WDR48: variants seen among roughly 807,000 people sequenced by gnomAD.
WDR48 encodes WD repeat domain 48.
Under a neutral mutation model 94.0 loss-of-function variants are expected in WDR48, and 22 were observed. That is an observed-to-expected ratio of 0.23 (90% CI 0.17 to 0.33). WDR48 has a LOEUF of 0.33. Ranked by LOEUF, WDR48 falls within the 10% of genes least tolerant of loss-of-function variation. The pLI, the probability that WDR48 is intolerant of heterozygous loss-of-function variation, is 1.00. For missense variants in WDR48, 541 were observed against 813.8 expected (o/e 0.66, Z 4.08); for synonymous variants, 278 against 280.5 (o/e 0.99, Z 0.09).
chr3:39,079,432 A>T (rs1483131015), intron 10 of WDR48, among the ~76,000 whole-genome samples: 1 of 152,232 alleles, frequency 6.6e-6, no homozygotes, highest in Non-Finnish European at 1.5e-5. Context: ...GTCCCTCAAC[A>T]ATTTTCCACT....
intron 1 of WDR48, 191 bp downstream of exon 1, chr3:39,052,264 G>A: frequency 1.6e-6 from 1 of 629,624 alleles, no homozygotes. Context: ...GGCTTGCTTG[G>A]CCCTTGGGGC....
At chr3:39,094,437 C>T (rs945856558) in intron 18 of WDR48, 16 of 1,528,856 alleles carry the variant, frequency 1.0e-5, no homozygotes, top group African/African-American at 1.4e-5. Context: ...TGAAAGATGG[C>T]CTGGTGTTTC....
intron 11 of WDR48, among the ~76,000 whole-genome samples, chr3:39,081,787 C>G (rs1221915420): frequency 1.3e-5 from 2 of 152,226 alleles, no homozygotes; most frequent in Admixed American, 6.5e-5. Context: ...CACTCTTGGT[C>G]TGGTTAACTG....
Position 39,063,107 on chromosome 3 carries a change from C to T in WDR48, c.106C>T (p.Leu36=), listed in dbSNP as rs150938026. The part of the protein sequence containing the change: ...EKYNRNGVNA[L]QLDPALNRLF... The stretch of plus-strand genomic sequence containing the variant: ...GTACAACCGAAATGGAGTCAATGCT[C>T]TGCAGCTGGATCCAGCACTAAATAG... The change falls in exon 2 of 19, where the codon CTG becomes TTG. Residue 36 remains leucine (L), a synonymous_variant. Coordinates refer to ENST00000302313, the MANE Select transcript of WDR48 (RefSeq NM_020839.4). 1.4e-5 allele frequency: 23 copies of T among 1,614,014 alleles called. No homozygotes were observed. In the East Asian group the frequency reaches 4.0e-4, roughly 28 times the overall value.
intron 10 of WDR48, 87 bp from the exon 11 acceptor site, chr3:39,079,624 G>A: frequency 3.2e-6 from 3 of 925,246 alleles, no homozygotes; most frequent in South Asian, 3.4e-5. Flanking sequence ...TTATGTTCCT[G>A]TTAGATACCA....
intron 16 of WDR48, chr3:39,090,619 G>C (rs960956149): frequency 1.3e-5 from 2 of 152,072 alleles, no homozygotes; most frequent in Non-Finnish European, 2.9e-5. Flanking sequence ...TTTTTCCAAA[G>C]GGACAGCTAG....
intron 1 of WDR48, among the ~76,000 whole-genome samples, chr3:39,055,256 G>A (rs550257435): frequency 2.7e-4 from 41 of 152,266 alleles, no homozygotes; most frequent in African/African-American, 9.4e-4. Flanking sequence ...GGAGGCCAAG[G>A]TGGGCAGATC....
intron 1 of WDR48, among the ~76,000 whole-genome samples, chr3:39,062,539 A>G (rs927003996): frequency 2.6e-5 from 4 of 152,204 alleles, no homozygotes; most frequent in African/African-American, 9.6e-5. Context: ...GAAGGCTGCA[A>G]CAAGAGTTAG....
rs868846441 is a variant in WDR48, at chr3:39,077,170, C to T, written c.929C>T (p.Pro310Leu). The stretch of plus-strand genomic sequence containing the variant: ...CTTGATAGATCAGCTGATCCTCCTC[C>T]TGCAATTTGGGTTGCAACAACTAAG... Reference protein sequence around the residue: ...MELDRSADPPPAIWVATTKST... With the variant: ...MELDRSADPPLAIWVATTKST... The change falls in exon 9 of 19, where the codon CCT (proline) becomes CTT (leucine). Residue 310 changes from proline to leucine, a missense_variant. Pro to Leu is a moderately conservative substitution (Grantham distance 98). Transcript: ENST00000302313. 6.2e-7 allele frequency: 1 copy of T among 1,614,174 alleles called. No homozygotes were observed. Among genetic ancestry groups the T allele is most frequent in the Non-Finnish European group, 8.5e-7 (1 of 1,180,016 alleles).
chr3:39,074,639 A>G, intron 7 of WDR48, 87 bp from the exon 8 acceptor site: 2 of 1,263,728 alleles, frequency 1.6e-6, no homozygotes, highest in Middle Eastern at 5.2e-4. Flanking sequence ...TGTGTTTGAC[A>G]GTGTGGACTC....
intron 10 of WDR48, 31 bp downstream of exon 10, chr3:39,078,270 T>A (rs966145107): frequency 6.8e-7 from 1 of 1,480,518 alleles, no homozygotes; most frequent in Non-Finnish European, 9.3e-7. Flanking sequence ...GTACCCCTTA[T>A]TGAAGTTAGC....
intron 15 of WDR48, 60 bp downstream of exon 15, chr3:39,088,293 T>A: frequency 6.6e-6 from 10 of 1,512,658 alleles, no homozygotes; most frequent in Non-Finnish European, 9.2e-6. Flanking sequence ...CTAAGAAGTG[T>A]CGACTCAAAC....
At chr3:39,070,849 C>G (rs1285139812) in intron 7 of WDR48, among the ~76,000 whole-genome samples, 1 of 152,108 alleles carries the variant, frequency 6.6e-6, no homozygotes, top group African/African-American at 2.4e-5. Flanking sequence ...ACCCCCACAA[C>G]AGTCCCCAGA....
intron 8 of WDR48, among the ~76,000 whole-genome samples, chr3:39,075,708 T>G (rs1213419071): frequency 1.3e-5 from 2 of 152,098 alleles, no homozygotes; most frequent in Non-Finnish European, 2.9e-5. Flanking sequence ...TTTTTTTTTT[T>G]TTTGAGACGG....
rs550119064 is a variant in WDR48 at position 39,088,032 on chromosome 3, A to T, written c.1475-96A>T. 164 of 1,149,732 alleles carry T rather than the reference A, an allele frequency of 1.4e-4. No individual in the cohort carries two copies. The African/African-American group carries it at 2.4e-3, about 16-fold the overall frequency. The allele number at this position is 1,149,732 out of a possible 1,614,324, so 71.2% of individuals were successfully genotyped here. ...GTGGACTTAGAGGACATTTGAATTT[A>T]ATCTTGCAATGTTTGAAGCTTGTGG... On this transcript the variant is annotated intron_variant, in intron 14 of 18. Transcript: ENST00000302313.
At chr3:39,077,837 ATGT>A (rs2034307206) in intron 9 of WDR48, among the ~76,000 whole-genome samples, 1 of 152,238 alleles carries the variant, frequency 6.6e-6, no homozygotes, top group African/African-American at 2.4e-5. Context: ...TATTTTTTAA[ATGT>A]TGTATATCTT....
At position 39,096,240 on chromosome 3, in the gene WDR48, C is replaced by T. The variant is rs1469610829; in HGVS notation, c.*1497C>T. ...TGCACTTTGAAGAAGTGAGCAAAGA[C>T]GTGGCCACATTTCTAATAAGTTGAA... On this transcript the variant is annotated 3_prime_UTR_variant, in exon 19 of 19. Transcript: ENST00000302313. 6.6e-6 allele frequency: 1 copy of T among 152,274 alleles called. No individual in the cohort carries two copies. Among genetic ancestry groups the T allele is most frequent in the African/African-American group, 2.4e-5 (1 of 41,430 alleles). 9.4% of individuals were successfully genotyped at this position (152,274 alleles called of 1,614,324 possible).
At chr3:39,085,474 C>T (rs762636802) in intron 13 of WDR48, 41 bp from the exon 14 acceptor site, 12 of 1,501,270 alleles carry the variant, frequency 8.0e-6, no homozygotes, top group Admixed American at 1.8e-5. Flanking sequence ...CCAAGTAACT[C>T]GCTTTTCCAT....
intron 7 of WDR48, among the ~76,000 whole-genome samples, chr3:39,070,980 A>G (rs557877601): frequency 6.6e-5 from 10 of 152,136 alleles, no homozygotes; most frequent in South Asian, 4.2e-4. Flanking sequence ...ATGATTTCCA[A>G]TTTCATCCAT....
Sources: allele counts gnomAD v4.1 joint callset (sites outside exome capture counted in the v4.1 genomes callset), GRCh38; gene constraint gnomAD v4.1.1; transcripts MANE v1.5; gene names NCBI Gene and HGNC (gene_info 2026-07-23, HGNC 2026-07-21).